NSMCE2: variants seen among roughly 807,000 people sequenced by gnomAD.
NSMCE2 encodes NSE2 SUMO ligase component of SMC5/6 complex, also known as E3 SUMO-protein ligase NSE2.
Under a neutral mutation model 23.8 loss-of-function variants are expected in NSMCE2, and 24 were observed. That is an observed-to-expected ratio of 1.01 (90% confidence interval 0.73 to 1.42). The LOEUF (loss-of-function observed/expected upper bound fraction) is 1.42. Among genes scored for constraint, NSMCE2 ranks in the 40% most tolerant of loss-of-function variants. NSMCE2 has a pLI of 0.00. For synonymous variants in NSMCE2, 92 were observed against 94.1 expected, an observed-to-expected ratio of 0.98 and a Z score of 0.13; for missense variants, 284 against 296.5, an observed-to-expected ratio of 0.96 and a Z score of 0.31.
chr8:125,201,281 C>T (rs776943692), intron 5 of NSMCE2, among the ~76,000 whole-genome samples: 6 of 152,330 alleles, frequency 3.9e-5, no homozygotes, highest in Non-Finnish European at 7.3e-5. Flanking sequence ...AGCTGTTCTG[C>T]TCTGGTTTCT....
intron 5 of NSMCE2, among the ~76,000 whole-genome samples, chr8:125,297,612 G>T (rs1828380164): frequency 6.6e-6 from 1 of 151,360 alleles, no homozygotes; most frequent in Admixed American, 6.6e-5. Flanking sequence ...AGAAAGATCA[G>T]TTAAAGCCAG....
intron 3 of NSMCE2, 77 bp from the exon 4 acceptor site, chr8:125,151,094 A>G (rs955365931): frequency 5.1e-5 from 35 of 685,264 alleles, no homozygotes; most frequent in Non-Finnish European, 8.7e-5. Flanking sequence ...TGACTGATGT[A>G]GATTGTATTG....
intron 5 of NSMCE2, among the ~76,000 whole-genome samples, chr8:125,183,820 G>C (rs1303579466): frequency 6.6e-6 from 1 of 152,052 alleles, no homozygotes; most frequent in Non-Finnish European, 1.5e-5. Context: ...CTGATTGGCA[G>C]CTTTCGATTT....
intron 4 of NSMCE2, among the ~76,000 whole-genome samples, chr8:125,175,628 T>G (rs1822448372): frequency 6.6e-6 from 1 of 152,178 alleles, no homozygotes; most frequent in Non-Finnish European, 1.5e-5. Context: ...TCTCACATGA[T>G]TCAAAAAGTG....
At chr8:125,321,049 G>C (rs1829431258) in intron 5 of NSMCE2, among the ~76,000 whole-genome samples, 1 of 152,074 alleles carries the variant, frequency 6.6e-6, no homozygotes. Context: ...ACAGCACCAG[G>C]GGGACGGTGC....
intron 5 of NSMCE2, among the ~76,000 whole-genome samples, chr8:125,196,324 G>T (rs901321184): frequency 2.0e-5 from 3 of 151,550 alleles, no homozygotes; most frequent in Middle Eastern, 3.4e-3. Context: ...TTTACATTAG[G>T]TATTTCTCCT....
At chr8:125,320,542 T>G (rs1198835717) in intron 5 of NSMCE2, among the ~76,000 whole-genome samples, 4 of 152,048 alleles carry the variant, frequency 2.6e-5, no homozygotes, top group Non-Finnish European at 5.9e-5. Context: ...GACAGCAGAT[T>G]TCTCAAAAAA....
At chr8:125,272,969 A>T (rs1248817646) in intron 5 of NSMCE2, among the ~76,000 whole-genome samples, 4 of 152,056 alleles carry the variant, frequency 2.6e-5, no homozygotes, top group Admixed American at 2.6e-4. Context: ...CCCAAGAGGG[A>T]GCTGGGTGAC....
chr8:125,334,381 G>A (rs1202236613), intron 5 of NSMCE2, among the ~76,000 whole-genome samples: 1 of 152,200 alleles, frequency 6.6e-6, no homozygotes, highest in Non-Finnish European at 1.5e-5. Context: ...TGAGGCAAGG[G>A]ACATAAAGGT....
At chr8:125,174,504 G>A (rs910689527) in intron 4 of NSMCE2, among the ~76,000 whole-genome samples, 10 of 152,122 alleles carry the variant, frequency 6.6e-5, no homozygotes, top group African/African-American at 2.2e-4. Flanking sequence ...TGGTGCCATG[G>A]GAAATTTATT....
intron 1 of NSMCE2, among the ~76,000 whole-genome samples, chr8:125,100,665 A>G (rs1818146204): frequency 6.6e-6 from 1 of 152,030 alleles, no homozygotes; most frequent in Non-Finnish European, 1.5e-5. Context: ...AGGTTCAAAC[A>G]ATTCTCCTGC....
intron 5 of NSMCE2, among the ~76,000 whole-genome samples, chr8:125,213,127 A>G (rs553213015): frequency 6.6e-6 from 1 of 152,346 alleles, no homozygotes; most frequent in Admixed American, 6.5e-5. Flanking sequence ...GCTTTGAAAG[A>G]GTCGACCTGT....
chr8:125,101,451 T>G (rs147207955), intron 1 of NSMCE2, among the ~76,000 whole-genome samples: 181 of 152,332 alleles, frequency 1.2e-3, no homozygotes, highest in African/African-American at 4.2e-3. Flanking sequence ...TCAGAGATGT[T>G]TAGCAGTCTT....
At chr8:125,316,703 C>CT (rs1829207792) in intron 5 of NSMCE2, among the ~76,000 whole-genome samples, 12 of 95,026 alleles carry the variant, frequency 1.3e-4, no homozygotes, top group Admixed American at 2.2e-4. Flanking sequence ...TCTTTCCTTC[C>CT]TTCCTTCTTT....
intron 5 of NSMCE2, among the ~76,000 whole-genome samples, chr8:125,194,442 T>A (rs374081931): frequency 2.2e-4 from 33 of 152,320 alleles, no homozygotes; most frequent in East Asian, 1.3e-3. Flanking sequence ...TGCATTCTAT[T>A]GCTGAGTAGT....
intron 5 of NSMCE2, among the ~76,000 whole-genome samples, chr8:125,280,598 A>G (rs193213536): frequency 1.2e-3 from 186 of 152,326 alleles, no homozygotes; most frequent in Middle Eastern, 3.4e-3. Flanking sequence ...ATCTGTTCAG[A>G]AATGATCCTA....
At chr8:125,309,580 C>T (rs1563775947) in intron 5 of NSMCE2, among the ~76,000 whole-genome samples, 2 of 151,986 alleles carry the variant, frequency 1.3e-5, no homozygotes, top group African/African-American at 4.8e-5. Context: ...AAATAATTAG[C>T]CAGGCGTGGT....
intron 5 of NSMCE2, among the ~76,000 whole-genome samples, chr8:125,320,778 A>C (rs1339289242): frequency 1.3e-5 from 2 of 152,264 alleles, no homozygotes; most frequent in African/African-American, 4.8e-5. Flanking sequence ...AAAATGATGC[A>C]GTATTAGTTC....
At chr8:125,333,464 G>A (rs1026603584) in intron 5 of NSMCE2, among the ~76,000 whole-genome samples, 40 of 142,814 alleles carry the variant, frequency 2.8e-4, no homozygotes, top group Non-Finnish European at 4.7e-4. Context: ...AAGCCACCAC[G>A]CCTTGCTAGA....
Sources: allele counts gnomAD v4.1 joint callset (sites outside exome capture counted in the v4.1 genomes callset), GRCh38; gene constraint gnomAD v4.1.1; transcripts MANE v1.5; gene names NCBI Gene and HGNC (gene_info 2026-07-23, HGNC 2026-07-21).